Variants in NR1H4 observed in about 807,000 individuals in gnomAD.
The protein encoded by NR1H4 is bile acid receptor.
Under a neutral mutation model 58.5 loss-of-function variants are expected in NR1H4, and 23 were observed. The ratio of observed to expected loss-of-function variants is 0.39; its 90% CI spans 0.28 to 0.56. The LOEUF is 0.56. Among genes scored for constraint, NR1H4 ranks in the 20% least tolerant of loss-of-function variants. The probability of loss-of-function intolerance (pLI) is 0.58; values close to 1 mark genes in which losing one functional copy is unlikely to be tolerated. For synonymous variants in NR1H4, 214 were observed against 198.0 expected, an observed-to-expected ratio of 1.08 and a Z score of -0.68; for missense variants, 487 against 576.9, an observed-to-expected ratio of 0.84 and a Z score of 1.60.
chr12:100,561,979 A>T lies in NR1H4; in HGVS notation c.1173A>T (p.Ala391=). 2 of 1,533,252 alleles carry T rather than the reference A, an allele frequency of 1.3e-6. No individual in the cohort carries two copies. Among genetic ancestry groups the T allele is most frequent in the Non-Finnish European group, 1.8e-6 (2 of 1,106,536 alleles). The allele number at this position is 1,533,252 out of a possible 1,614,324, so 95.0% of individuals were successfully genotyped here. A position where few individuals can be genotyped will look rare whatever the true frequency, so the allele number is the denominator to read the frequency against. The change falls in exon 10 of 11, where the codon GCA becomes GCT. Residue 391 remains alanine (A), a synonymous_variant. Transcript: ENST00000392986. ...MTQEEYALLT[A]IVILSPDRQY... Reference sequence around the variant, plus strand: ...AAGAGGAGTATGCTCTGCTTACAGCAATTGTTATCCTGTCTCCAGGTAATT... The same window carrying T: ...AAGAGGAGTATGCTCTGCTTACAGCTATTGTTATCCTGTCTCCAGGTAATT...
At chr12:100,505,481 A>C (rs542052881) in intron 3 of NR1H4, 2 of 636,684 alleles carry the variant, frequency 3.1e-6, no homozygotes, top group East Asian at 5.5e-5. Context: ...GAACCCTTCT[A>C]TCACCTCAGA....
At chr12:100,554,592 A>G (rs1045821158) in intron 9 of NR1H4, among the ~76,000 whole-genome samples, 1 of 152,194 alleles carries the variant, frequency 6.6e-6, no homozygotes, top group African/African-American at 2.4e-5. Context: ...ACCTCTTTTT[A>G]AAAAAGGGAA....
intron 4 of NR1H4, among the ~76,000 whole-genome samples, chr12:100,513,837 GA>G (rs1240875378): frequency 5.0e-5 from 7 of 140,746 alleles, no homozygotes; most frequent in African/African-American, 1.9e-4. Context: ...AGGAAGGAAG[GA>G]AGGAAGGAAG....
At chr12:100,561,811 T>C (rs1410236934) in intron 9 of NR1H4, 74 bp from the exon 10 acceptor site, 2 of 747,266 alleles carry the variant, frequency 2.7e-6, no homozygotes, top group East Asian at 2.5e-5. Context: ...TGTGTTTATA[T>C]GTATAATGTG....
intron 1 of NR1H4, among the ~76,000 whole-genome samples, chr12:100,475,842 T>C (rs915918349): frequency 2.0e-5 from 3 of 152,098 alleles, no homozygotes; most frequent in Non-Finnish European, 4.4e-5. Flanking sequence ...TTCAAGCGAT[T>C]CTCCTGCCTC....
chr12:100,534,896 T>C lies in NR1H4; in HGVS notation c.605T>C (p.Leu202Ser). The C allele has an allele frequency of 1.2e-6, 2 of 1,614,226 alleles. No individual in the cohort carries two copies. Among genetic ancestry groups the C allele is most frequent in the African/African-American group, 1.3e-5 (1 of 75,058 alleles). The change falls in exon 6 of 11, where the codon TTA becomes TCA. Residue 202 changes from leucine (L) to serine (S), a missense_variant. By Grantham distance (145) the Leu-to-Ser change is moderately radical. Transcript: ENST00000392986. Reference sequence around the variant, plus strand: ...CTATGCTTATTTGTTTTAGGCTTGTTAACTGAAATTCAGTGTAAATCTAAG... The same window carrying C: ...CTATGCTTATTTGTTTTAGGCTTGTCAACTGAAATTCAGTGTAAATCTAAG... ...MLAECMYTGL[L>S]TEIQCKSKRL...
intron 9 of NR1H4, among the ~76,000 whole-genome samples, chr12:100,555,672 A>AT (rs371800478): frequency 1.7e-3 from 258 of 152,370 alleles, no homozygotes; most frequent in African/African-American, 6.0e-3. Flanking sequence ...TATATCTCAT[A>AT]TAACACTACT....
intron 9 of NR1H4, among the ~76,000 whole-genome samples, chr12:100,556,559 C>G (rs1247189947): frequency 5.3e-5 from 8 of 151,876 alleles, no homozygotes; most frequent in Admixed American, 6.6e-5. Flanking sequence ...ATTATTTCAT[C>G]TAAATGTTTG....
intron 4 of NR1H4, among the ~76,000 whole-genome samples, chr12:100,523,330 T>G (rs998985339): frequency 6.6e-6 from 1 of 152,184 alleles, no homozygotes; most frequent in African/African-American, 2.4e-5. Context: ...TTTTCATGTG[T>G]TTTTTGGCCA....
chr12:100,477,576 G>C (rs890377919), intron 1 of NR1H4, among the ~76,000 whole-genome samples: 2 of 152,182 alleles, frequency 1.3e-5, no homozygotes, highest in African/African-American at 4.8e-5. Context: ...ATTTAACACA[G>C]TTATCTGGAA....
rs73378094 is a variant in NR1H4 at position 100,510,203 on chromosome 12, A to G, written c.80-575A>G. ...CAAAATACTTTTTCATAGAGGTTCAAGCATATTTCTAAAATAAATTTTCAA... is the reference window on the plus strand; with the variant it reads ...CAAAATACTTTTTCATAGAGGTTCAGGCATATTTCTAAAATAAATTTTCAA... On this transcript the variant is annotated intron_variant, in intron 3 of 10. Transcript: ENST00000392986. Among the ~76,000 whole-genome samples the G allele has an allele frequency of 6.0e-3, 914 of 152,336 alleles. 17 individuals are homozygous for G. Among genetic ancestry groups the G allele is most frequent in the African/African-American group, 0.021 (867 of 41,566 alleles).
At chr12:100,501,766 A>G (rs1953839956) in intron 3 of NR1H4, among the ~76,000 whole-genome samples, 1 of 152,182 alleles carries the variant, frequency 6.6e-6, no homozygotes, top group African/African-American at 2.4e-5. Flanking sequence ...TATCTTCAGA[A>G]CAGGCCTAAA....
At chr12:100,531,644 A>G (rs79963605) in intron 4 of NR1H4, among the ~76,000 whole-genome samples, 5 of 152,160 alleles carry the variant, frequency 3.3e-5, no homozygotes, top group Non-Finnish European at 7.4e-5. Context: ...CCTGAATTCA[A>G]CACTGCCTCC....
chr12:100,545,658 A>C (rs952943409), intron 9 of NR1H4, among the ~76,000 whole-genome samples: 5 of 147,130 alleles, frequency 3.4e-5, no homozygotes, highest in South Asian at 2.1e-4. Flanking sequence ...AAAAAAAAAA[A>C]AAAAAAAAAA....
At chr12:100,474,811 C>T (rs1296925103) in intron 1 of NR1H4, among the ~76,000 whole-genome samples, 1 of 152,110 alleles carries the variant, frequency 6.6e-6, no homozygotes, top group Non-Finnish European at 1.5e-5. Context: ...GAGGGAATGA[C>T]AAGTGACTCA....
intron 1 of NR1H4, among the ~76,000 whole-genome samples, chr12:100,485,196 A>T (rs1228279173): frequency 1.3e-5 from 2 of 152,178 alleles, no homozygotes; most frequent in Admixed American, 1.3e-4. Flanking sequence ...AAGGATCACA[A>T]GCTTTTTCTA....
chr12:100,520,022 G>A (rs1228925952), intron 4 of NR1H4, among the ~76,000 whole-genome samples: 4 of 152,152 alleles, frequency 2.6e-5, no homozygotes, highest in African/African-American at 9.7e-5. Flanking sequence ...GAAGGGCTGT[G>A]AGGAAAACCA....
In NR1H4 at chr12:100,523,643, C is replaced by T. The variant is rs1954483798; in HGVS notation, c.446-8815C>T. Among the ~76,000 whole-genome samples, 5 of 152,128 alleles carry T rather than the reference C, an allele frequency of 3.3e-5. 1 individual carries two copies. The South Asian group carries it at 8.3e-4, about 25-fold the overall frequency. On this transcript the variant is annotated intron_variant, in intron 4 of 10. Coordinates refer to ENST00000392986, the MANE Select transcript of NR1H4 (RefSeq NM_001206979.2). Reference sequence around the variant, plus strand: ...TTGATGTACCTGGCACTCTTACATGCTCAGTAATCATTAGATGTGATTTTG... The same window carrying T: ...TTGATGTACCTGGCACTCTTACATGTTCAGTAATCATTAGATGTGATTTTG...
chr12:100,500,874 A>G (rs1953818292), intron 3 of NR1H4, among the ~76,000 whole-genome samples: 2 of 152,144 alleles, frequency 1.3e-5, no homozygotes, highest in Non-Finnish European at 2.9e-5. Context: ...TTCTTCATAA[A>G]TTGCCCAGTC....
Sources: allele counts gnomAD v4.1 joint callset (sites outside exome capture counted in the v4.1 genomes callset), GRCh38; gene constraint gnomAD v4.1.1; transcripts MANE v1.5; gene names NCBI Gene and HGNC (gene_info 2026-07-23, HGNC 2026-07-21).